LAMB4: variants seen among roughly 807,000 people sequenced by gnomAD.
The protein encoded by LAMB4 is laminin subunit beta 4.
A neutral mutation model predicts 199.2 loss-of-function variants in LAMB4; 196 were observed. The observed-to-expected ratio is 0.98, with a 90% CI of 0.88 to 1.11. The LOEUF is 1.11. Among genes scored for constraint, LAMB4 ranks in the 50% least tolerant of loss-of-function variants. LAMB4 has a pLI of 0.00. For missense variants in LAMB4, 2,080 were observed against 2,171.2 expected, an observed-to-expected ratio of 0.96 and a Z score of 0.83; for synonymous variants, 744 against 770.6, an observed-to-expected ratio of 0.97 and a Z score of 0.57.
intron 12 of LAMB4, 59 bp from the exon 13 acceptor site, chr7:108,092,475 C>T: frequency 7.8e-7 from 1 of 1,288,516 alleles, no homozygotes; most frequent in Non-Finnish European, 1.1e-6. Flanking sequence ...CTCTGAAGTG[C>T]AACACTGAAA....
intron 30 of LAMB4, among the ~76,000 whole-genome samples, chr7:108,036,050 T>C (rs555064325): frequency 6.6e-6 from 1 of 150,690 alleles, no homozygotes; most frequent in Admixed American, 6.6e-5. Context: ...TAGAGACGGG[T>C]TTTCACCATG....
intron 23 of LAMB4, among the ~76,000 whole-genome samples, chr7:108,062,225 T>C (rs1397022418): frequency 6.6e-6 from 1 of 152,204 alleles, no homozygotes; most frequent in Non-Finnish European, 1.5e-5. Flanking sequence ...TCTATCTATG[T>C]AGTATTAGTT....
rs755058002 is a variant in LAMB4, at chr7:108,078,276, G to T, written c.1928C>A (p.Pro643His). The change falls in exon 16 of 34, where the codon CCT (proline) becomes CAT (histidine). Residue 643 changes from proline (P) to histidine (H), a missense_variant. By Grantham distance (77) the Pro-to-His change is moderately conservative. Coordinates refer to ENST00000388781, the MANE Select transcript of LAMB4 (RefSeq NM_007356.3). ...DWTVQIVVNP[P>H]GGSEHCIPKT... ...GGGTATGCAGTGCTCACTCCCTCCA[G>T]GGGGGTTCACCACAATCTGGACAGT... 2 of 1,609,230 alleles carry T rather than the reference G, an allele frequency of 1.2e-6. No homozygotes were observed. Among genetic ancestry groups the T allele is most frequent in the Admixed American group, 3.4e-5 (2 of 59,442 alleles).
chr7:108,055,953 C>G lies in LAMB4; in HGVS notation c.3434G>C (p.Gly1145Ala), dbSNP rs761675717. Residue 1145 changes from glycine to alanine, a missense_variant, in exon 25 of 34, where the codon GGC (glycine) becomes GCC (alanine). Transcript: ENST00000388781. ...GACACCCTCCCGGCAGCGGCACATG[C>G]CTGTGTCTGGATCACAGATGGGCTT... is the stretch of plus-strand genomic sequence containing the variant. ...TQKPICDPDT[G>A]MCRCREGVSG... is the part of the protein sequence containing the mutation. The G allele has an allele frequency of 6.2e-7, 1 of 1,614,142 alleles. No homozygotes were observed. The highest frequency in any genetic ancestry group is 2.2e-5 in the East Asian group (1 of 44,880).
intron 21 of LAMB4, among the ~76,000 whole-genome samples, chr7:108,065,300 C>T (rs1034247464): frequency 1.4e-4 from 20 of 148,036 alleles, no homozygotes; most frequent in African/African-American, 5.3e-4. Context: ...TGTAGAATGC[C>T]CAAATATTGC....
At chr7:108,057,786 G>C in intron 24 of LAMB4, 46 bp downstream of exon 24, 1 of 1,252,926 alleles carries the variant, frequency 8.0e-7, no homozygotes, top group Non-Finnish European at 1.2e-6. Flanking sequence ...CCATGGTAGG[G>C]CCAGGCTGAC....
chr7:108,066,693 A>G (rs2036355809), intron 19 of LAMB4, 93 bp from the exon 20 acceptor site: 1 of 800,198 alleles, frequency 1.2e-6, no homozygotes, highest in Non-Finnish European at 2.0e-6. Flanking sequence ...TCCTTTCCCA[A>G]TCCCAGTGAA....
At chr7:108,124,669 A>G (rs1234823221) in intron 1 of LAMB4, among the ~76,000 whole-genome samples, 2 of 151,954 alleles carry the variant, frequency 1.3e-5, no homozygotes, top group Non-Finnish European at 2.9e-5. Flanking sequence ...AAAGGCAAAA[A>G]AAAAACAACC....
chr7:108,070,381 C>T (rs1256062757), intron 17 of LAMB4, among the ~76,000 whole-genome samples: 1 of 152,188 alleles, frequency 6.6e-6, no homozygotes, highest in African/African-American at 2.4e-5. Context: ...CAGCTGGTGG[C>T]ATCACAACCC....
chr7:108,082,021 G>A (rs1348152383), intron 14 of LAMB4, among the ~76,000 whole-genome samples: 1 of 152,168 alleles, frequency 6.6e-6, no homozygotes, highest in Non-Finnish European at 1.5e-5. Context: ...TTCTTCACAA[G>A]CATTAATTGT....
chr7:108,069,993 C>G (rs1472453575), intron 17 of LAMB4, 108 bp from the exon 18 acceptor site: 1 of 753,938 alleles, frequency 1.3e-6, no homozygotes, highest in Admixed American at 2.9e-5. Flanking sequence ...AAAGAAGACT[C>G]AACTCAATCC....
At chr7:108,110,457 T>C (rs745977159) in intron 4 of LAMB4, among the ~76,000 whole-genome samples, 23 of 152,226 alleles carry the variant, frequency 1.5e-4, no homozygotes, top group Admixed American at 9.8e-4. Context: ...CGGGACAGTA[T>C]GGCTCCAGAC....
chr7:108,074,035 T>A (rs956090210), intron 17 of LAMB4, among the ~76,000 whole-genome samples: 9 of 152,126 alleles, frequency 5.9e-5, no homozygotes, highest in African/African-American at 1.9e-4. Flanking sequence ...AACTGTGTGG[T>A]GCAATCCAGG....
chr7:108,087,625 C>A (rs1289565995), intron 14 of LAMB4, among the ~76,000 whole-genome samples: 1 of 152,202 alleles, frequency 6.6e-6, no homozygotes, highest in Non-Finnish European at 1.5e-5. Flanking sequence ...GATGCCAGCA[C>A]TGACCAACTG....
In LAMB4 at chr7:108,030,880, T is replaced by C; in HGVS notation, c.4918A>G (p.Arg1640Gly). ...GCATTGACAGCGTGGTCTTGATGCC[T>C]TTGCAACTTGGTCTGCAGCAGGGAA... is the stretch of plus-strand genomic sequence containing the variant. ...GLSLLQTKLQ[R>G]HQDHAVNAKV... The change falls in exon 32 of 34, where the codon AGG becomes GGG. Residue 1640 changes from arginine (R) to glycine (G), a missense_variant. Arg to Gly is a moderately radical substitution (Grantham distance 125). Coordinates refer to ENST00000388781, the MANE Select transcript of LAMB4 (RefSeq NM_007356.3). 6.2e-7 allele frequency: 1 copy of C among 1,614,168 alleles called. No homozygotes were observed. The highest frequency in any genetic ancestry group is 8.5e-7 in the Non-Finnish European group (1 of 1,179,998).
rs150674827 is a variant in LAMB4, at chr7:108,048,628, A to G, written c.4123-517T>C. ...ATTGTGTCAGTCTGTCATCCTTTAT[A>G]TTTATGGTTTTCTGAGAAAACAGTC... On this transcript the variant is annotated intron_variant, in intron 27 of 33. Transcript: ENST00000388781. Among the ~76,000 whole-genome samples the G allele has an allele frequency of 3.1e-3, 478 of 152,308 alleles. 3 individuals are homozygous for G. Among genetic ancestry groups the G allele is most frequent in the African/African-American group, 0.011 (455 of 41,558 alleles).
At position 108,048,014 on chromosome 7, in the gene LAMB4, C is replaced by G. The variant is rs2035692145; in HGVS notation, c.4220G>C (p.Gly1407Ala). The change falls in exon 28 of 34, where the codon GGC becomes GCC. Residue 1407 changes from glycine to alanine, a missense_variant. Coordinates refer to ENST00000388781, the MANE Select transcript of LAMB4 (RefSeq NM_007356.3). ...RKGHRKCRGP[G>A]CHGSLTLSTN... ...TGAGAGGGTCAGGGAGCCGTGACAG[C>G]CGGGACCCCTACACTTCCTGTGCCC... is the stretch of plus-strand genomic sequence containing the variant. The G allele has an allele frequency of 6.2e-7, 1 of 1,614,062 alleles. No individual in the cohort carries two copies. Among genetic ancestry groups the G allele is most frequent in the African/African-American group, 1.3e-5 (1 of 74,934 alleles).
At position 108,029,180 on chromosome 7, in the gene LAMB4, T is replaced by C. The variant is rs756332022; in HGVS notation, c.5009A>G (p.Lys1670Arg). The C allele has an allele frequency of 1.9e-6, 3 of 1,612,212 alleles. No homozygotes were observed. Among genetic ancestry groups the C allele is most frequent in the Admixed American group, 3.4e-5 (2 of 59,582 alleles). The stretch of plus-strand genomic sequence containing the variant: ...ACGTTGGAGAATAGCATATTGTTTT[T>C]TCAGCTCAACAAATTCCTGTAACAA... ...GSLEKEFVELKKQYAILQRKT... is the reference protein window; with the variant it reads ...GSLEKEFVELRKQYAILQRKT... The change falls in exon 33 of 34, where the codon AAA (lysine) becomes AGA (arginine). Residue 1670 changes from lysine to arginine, a missense_variant. Physicochemically the swap from Lys to Arg is conservative, Grantham distance 26 (BLOSUM62 2). Coordinates refer to ENST00000388781, the MANE Select transcript of LAMB4 (RefSeq NM_007356.3).
At chr7:108,034,766 G>T (rs1390022616) in intron 30 of LAMB4, among the ~76,000 whole-genome samples, 1 of 152,086 alleles carries the variant, frequency 6.6e-6, no homozygotes, top group Non-Finnish European at 1.5e-5. Context: ...AGGACTACAG[G>T]CCCTGCATTT....
Sources: allele counts gnomAD v4.1 joint callset (sites outside exome capture counted in the v4.1 genomes callset), GRCh38; gene constraint gnomAD v4.1.1; transcripts MANE v1.5; gene names NCBI Gene and HGNC (gene_info 2026-07-23, HGNC 2026-07-21).